Variants in HACE1 observed in about 807,000 individuals in gnomAD.
The protein encoded by HACE1 is HECT domain and ankyrin repeat containing E3 ubiquitin protein ligase 1, also known as E3 ubiquitin-protein ligase HACE1.
In HACE1, 73 loss-of-function variants were observed where a neutral mutation model predicts 118.4. The observed-to-expected ratio is 0.62, with a 90% CI of 0.51 to 0.75. The LOEUF is 0.75. Among genes scored for constraint, HACE1 ranks in the 30% least tolerant of loss-of-function variants. The probability of loss-of-function intolerance (pLI) is 0.00; values close to 1 mark genes in which losing one functional copy is unlikely to be tolerated. For missense variants in HACE1, 749 were observed against 1,102.2 expected (o/e 0.68, Z 4.54); for synonymous variants, 368 against 374.8 (o/e 0.98, Z 0.21).
chr6:104,845,893 C>G (rs762422944), intron 4 of HACE1: 4 of 152,064 alleles, frequency 2.6e-5, no homozygotes, highest in Non-Finnish European at 5.9e-5. Context: ...CCAGATAGTC[C>G]CATTAAAATA....
chr6:104,759,375 A>G (rs530497588), intron 19 of HACE1, among the ~76,000 whole-genome samples: 7 of 152,368 alleles, frequency 4.6e-5, no homozygotes, highest in African/African-American at 1.7e-4. Context: ...CAATCAAATT[A>G]GAACTCAGGA....
At chr6:104,812,605 A>G (rs1472775673) in intron 6 of HACE1, among the ~76,000 whole-genome samples, 8 of 152,198 alleles carry the variant, frequency 5.3e-5, no homozygotes, top group East Asian at 3.8e-4. Flanking sequence ...AGCATACTGG[A>G]TAAGTCAGTA....
At chr6:104,739,210 T>G (rs1425139976) in intron 22 of HACE1, among the ~76,000 whole-genome samples, 3 of 151,996 alleles carry the variant, frequency 2.0e-5, no homozygotes, top group Admixed American at 1.3e-4. Flanking sequence ...CACTGCAAAA[T>G]CATGCCAAAA....
chr6:104,859,614 C>T lies in HACE1; in HGVS notation c.29G>A (p.Arg10His), dbSNP rs1409235039. 9.1e-6 allele frequency: 14 copies of T among 1,531,550 alleles called. No homozygotes were observed. Among genetic ancestry groups the T allele is most frequent in the Non-Finnish European group, 1.1e-5 (13 of 1,142,972 alleles). The allele number at this position is 1,531,550 out of a possible 1,614,324, so 94.9% of individuals were successfully genotyped here. Residue 10 changes from arginine to histidine, a missense_variant, in exon 1 of 24, where the codon CGC becomes CAC. Arg to His is a conservative substitution (Grantham distance 29). Coordinates refer to ENST00000262903, the MANE Select transcript of HACE1 (RefSeq NM_020771.4). The part of the protein sequence containing the change: MERAMEQLN[R>H]LTRSLRRART... ...CGCGCGGCGCAGCGAGCGCGTCAGG[C>T]GGTTGAGTTGCTCCATCGCTCTCTC...
intron 22 of HACE1, among the ~76,000 whole-genome samples, chr6:104,736,076 GT>G (rs920149488): frequency 2.6e-4 from 40 of 151,210 alleles, no homozygotes; most frequent in Non-Finnish European, 4.1e-4. Flanking sequence ...ATTGGAAGTG[GT>G]TTTTTTTCTC....
chr6:104,802,371 T>C (rs1305278978), intron 7 of HACE1, among the ~76,000 whole-genome samples: 1 of 152,184 alleles, frequency 6.6e-6, no homozygotes, highest in African/African-American at 2.4e-5. Context: ...GTGGACCTAA[T>C]AGACATCTAC....
Position 104,859,563 on chromosome 6 carries a change from T to G in HACE1, c.76+4A>C. 1 of 1,517,588 alleles carries G rather than the reference T, an allele frequency of 6.6e-7. No individual in the cohort carries two copies. The highest frequency in any genetic ancestry group is 8.8e-7 in the Non-Finnish European group (1 of 1,138,414). 94.0% of individuals were successfully genotyped at this position (1,517,588 alleles called of 1,614,324 possible). A position where few individuals can be genotyped will look rare whatever the true frequency, so the allele number is the denominator to read the frequency against. Reference sequence around the variant, plus strand: ...GGCCAGCCTGGCCCCGCGACCCGGCTCACCCTCGGGCAACTCCACGGTGCG... The same window carrying G: ...GGCCAGCCTGGCCCCGCGACCCGGCGCACCCTCGGGCAACTCCACGGTGCG... On this transcript the variant is annotated splice_donor_region_variant and intron_variant, in intron 1 of 23. Transcript: ENST00000262903.
chr6:104,812,486 T>G (rs1052790206), intron 6 of HACE1, among the ~76,000 whole-genome samples: 2 of 152,128 alleles, frequency 1.3e-5, no homozygotes, highest in Admixed American at 6.6e-5. Context: ...CGCTTATTAC[T>G]TCTGGATTGA....
chr6:104,762,989 C>CAAAA (rs56232124), intron 19 of HACE1, among the ~76,000 whole-genome samples: 9 of 32,210 alleles, frequency 2.8e-4, no homozygotes, highest in East Asian at 8.7e-4. Context: ...GACTCCATCT[C>CAAAA]AAAAAAAAAA....
At chr6:104,854,986 G>A (rs1010597892) in intron 1 of HACE1, among the ~76,000 whole-genome samples, 12 of 152,118 alleles carry the variant, frequency 7.9e-5, no homozygotes, top group African/African-American at 2.9e-4. Context: ...TTATCTTAAA[G>A]GCACTTTTCT....
At chr6:104,858,976 T>C (rs1033358918) in intron 1 of HACE1, among the ~76,000 whole-genome samples, 5 of 152,162 alleles carry the variant, frequency 3.3e-5, no homozygotes, top group Admixed American at 6.5e-5. Context: ...AATACTAGTC[T>C]GATGAATAAA....
intron 19 of HACE1, among the ~76,000 whole-genome samples, chr6:104,767,859 C>T (rs1780172604): frequency 6.6e-6 from 1 of 152,052 alleles, no homozygotes; most frequent in Admixed American, 6.6e-5. Flanking sequence ...TTCCATACCA[C>T]TTCATCCATT....
At chr6:104,788,360 T>G in intron 11 of HACE1, among the ~76,000 whole-genome samples, 1 of 152,248 alleles carries the variant, frequency 6.6e-6, no homozygotes, top group Non-Finnish European at 1.5e-5. Flanking sequence ...GTAACAATGA[T>G]ATGCCAATCA....
rs748644944 is a variant in HACE1, at chr6:104,785,157, G to C, written c.1237C>G (p.Pro413Ala). 6 of 1,613,824 alleles carry C rather than the reference G, an allele frequency of 3.7e-6. No homozygotes were observed. In the African/African-American group the frequency reaches 8.0e-5, roughly 22 times the overall value. Residue 413 changes from proline to alanine, a missense_variant, in exon 12 of 24, where the codon CCT becomes GCT. Transcript: ENST00000262903. ...GTGGACAGATTTTCATAGCTCCCAGGTCCTGGAGGTTCAAATGGAGGAATG... is the reference window on the plus strand; with the variant it reads ...GTGGACAGATTTTCATAGCTCCCAGCTCCTGGAGGTTCAAATGGAGGAATG... ...ASIPPFEPPG[P>A]GSYENLSTGT... is the part of the protein sequence containing the mutation.
chr6:104,823,592 T>C (rs1464845593), intron 6 of HACE1, among the ~76,000 whole-genome samples: 1 of 152,048 alleles, frequency 6.6e-6, no homozygotes, highest in Non-Finnish European at 1.5e-5. Context: ...ATAGCGCACT[T>C]GCAGATAAAA....
At position 104,833,101 on chromosome 6, in the gene HACE1, C is replaced by G; in HGVS notation, c.475G>C (p.Val159Leu). 6.2e-7 allele frequency: 1 copy of G among 1,613,332 alleles called. No homozygotes were observed. Among genetic ancestry groups the G allele is most frequent in the Non-Finnish European group, 8.5e-7 (1 of 1,179,218 alleles). The change falls in exon 6 of 24, where the codon GTT becomes CTT. Residue 159 changes from valine (V) to leucine (L), a missense_variant. Physicochemically the swap from Val to Leu is conservative, Grantham distance 32. This residue lies in a region of HACE1 where 120 missense variants were observed against 219.1 expected (regional missense o/e 0.55). Transcript: ENST00000262903. ...GCTGTCTGCCCCATGGCATCCTCAA[C>G]ATCAACATCACTGACATGCTGCACA... Reference protein sequence around the residue: ...DLVQHVSDVDVEDAMGQTALH... With the variant: ...DLVQHVSDVDLEDAMGQTALH...
chr6:104,732,829 C>T (rs1017562362), intron 22 of HACE1, among the ~76,000 whole-genome samples: 6 of 152,122 alleles, frequency 3.9e-5, no homozygotes, highest in African/African-American at 1.4e-4. Context: ...CTAAAAACAG[C>T]AATTTTCTCT....
chr6:104,794,330 GA>G (rs2114857709), intron 10 of HACE1, among the ~76,000 whole-genome samples: 1 of 152,158 alleles, frequency 6.6e-6, no homozygotes, highest in South Asian at 2.1e-4. Flanking sequence ...TATTTAAGAA[GA>G]AAAAATAAGT....
At chr6:104,736,456 TG>T (rs1394853082) in intron 22 of HACE1, among the ~76,000 whole-genome samples, 3 of 152,048 alleles carry the variant, frequency 2.0e-5, no homozygotes, top group African/African-American at 7.2e-5. Context: ...AGATAATTTT[TG>T]TATTTTTGTA....
Sources: gnomAD v4.1 joint callset for allele counts (sites outside exome capture counted in the v4.1 genomes callset) on GRCh38, gnomAD v4.1.1 for gene constraint, gnomAD v4.1.1 regional missense constraint, MANE v1.5 for transcripts, NCBI Gene and HGNC (gene_info 2026-07-23, HGNC 2026-07-21) for gene names.